Variants in PDE11A observed in about 807,000 individuals in gnomAD.
PDE11A encodes the protein dual 3',5'-cyclic-AMP and -GMP phosphodiesterase 11A.
A neutral mutation model predicts 100.5 loss-of-function variants in PDE11A; 100 were observed. That is an observed-to-expected ratio of 1.00 (90% CI 0.85 to 1.18). PDE11A has a LOEUF of 1.18. PDE11A is among the 50% of genes most tolerant of loss of function. The pLI, the probability that PDE11A is intolerant of heterozygous loss-of-function variation, is 0.00. For missense variants in PDE11A, 1,141 were observed against 1,152.6 expected (o/e 0.99, Z 0.15); for synonymous variants, 381 against 420.8 (o/e 0.91, Z 1.16).
intron 9 of PDE11A, among the ~76,000 whole-genome samples, chr2:177,785,456 G>A (rs1438496590): frequency 1.3e-5 from 2 of 152,224 alleles, no homozygotes. Context: ...CAGCATGAGC[G>A]ACGCAGAAGA....
At chr2:177,676,256 TA>T (rs1177728828) in intron 16 of PDE11A, among the ~76,000 whole-genome samples, 1 of 152,220 alleles carries the variant, frequency 6.6e-6, no homozygotes, top group Non-Finnish European at 1.5e-5. Flanking sequence ...CTGGTGCTTA[TA>T]TATAATTTAA....
At chr2:178,034,652 G>T (rs1204305379) in intron 1 of PDE11A, among the ~76,000 whole-genome samples, 1 of 152,090 alleles carries the variant, frequency 6.6e-6, no homozygotes, top group African/African-American at 2.4e-5. Flanking sequence ...AAATGTAAAA[G>T]AACAGAAATT....
intron 2 of PDE11A, among the ~76,000 whole-genome samples, chr2:177,949,597 G>T (rs1357501859): frequency 1.3e-5 from 2 of 152,124 alleles, no homozygotes; most frequent in African/African-American, 4.8e-5. Context: ...CTCACATCAT[G>T]TGTTGTGAGA....
chr2:177,907,204 T>C (rs1326200565), intron 2 of PDE11A, among the ~76,000 whole-genome samples: 1 of 152,162 alleles, frequency 6.6e-6, no homozygotes, highest in African/African-American at 2.4e-5. Context: ...AGTTTTGCTG[T>C]GTGAAGTGCA....
At chr2:178,032,632 C>A (rs1277275573) in intron 1 of PDE11A, among the ~76,000 whole-genome samples, 2 of 152,314 alleles carry the variant, frequency 1.3e-5, no homozygotes, top group East Asian at 3.9e-4. Context: ...GGTCGTCAGA[C>A]ACCTCATACA....
At chr2:177,899,636 A>T in intron 3 of PDE11A, 1 of 171,032 alleles carries the variant, frequency 5.8e-6, no homozygotes, top group Non-Finnish European at 1.2e-5. Context: ...TCAGATTCTT[A>T]AATATATATA....
At chr2:177,870,280 C>T (rs1341262908) in intron 5 of PDE11A, among the ~76,000 whole-genome samples, 1 of 152,210 alleles carries the variant, frequency 6.6e-6, no homozygotes. Context: ...CACTCCACTT[C>T]TTATTTCTAC....
intron 2 of PDE11A, among the ~76,000 whole-genome samples, chr2:177,928,439 A>T (rs1254953484): frequency 6.6e-6 from 1 of 152,214 alleles, no homozygotes; most frequent in Non-Finnish European, 1.5e-5. Flanking sequence ...TCAAAGCTGC[A>T]GTGAACTATG....
intron 19 of PDE11A, among the ~76,000 whole-genome samples, chr2:177,660,404 C>T (rs926776649): frequency 2.2e-4 from 33 of 152,086 alleles, no homozygotes; most frequent in African/African-American, 5.6e-4. Flanking sequence ...GAGATAGAAC[C>T]AGTCAGCCTC....
intron 10 of PDE11A, among the ~76,000 whole-genome samples, chr2:177,765,325 T>G (rs575735747): frequency 1.3e-5 from 2 of 152,362 alleles, no homozygotes; most frequent in Admixed American, 6.5e-5. Flanking sequence ...CAGGTTTATC[T>G]TATGTGAAAT....
At position 178,071,730 on chromosome 2, in the gene PDE11A, G is replaced by A; in HGVS notation, c.708C>T (p.Asp236=). The A allele has an allele frequency of 6.2e-7, 1 of 1,614,130 alleles. No homozygotes were observed. Among genetic ancestry groups the A allele is most frequent in the Non-Finnish European group, 8.5e-7 (1 of 1,179,970 alleles). The change falls in exon 1 of 20, where the codon GAC becomes GAT. Residue 236 remains aspartate, a synonymous_variant. Coordinates refer to ENST00000286063, the MANE Select transcript of PDE11A (RefSeq NM_016953.4). ...CTTCCACCAGGAAAAGAGAGCAGCG[G>A]TCAGCATCCACCATAAGGCAGACAA... ...LIFVCLMVDA[D]RCSLFLVEGA...
chr2:177,725,737 C>T (rs1365370630), intron 12 of PDE11A, among the ~76,000 whole-genome samples: 1 of 152,068 alleles, frequency 6.6e-6, no homozygotes, highest in Non-Finnish European at 1.5e-5. Context: ...AATGGAAATA[C>T]CCACTGCAGA....
At position 177,957,027 on chromosome 2, in the gene PDE11A, T is replaced by G. The variant is rs186502694; in HGVS notation, c.1072-51840A>C. Among the ~76,000 whole-genome samples, 803 of 151,622 alleles carry G rather than the reference T, an allele frequency of 5.3e-3. 7 individuals are homozygous for G. The highest frequency in any genetic ancestry group is 0.018 in the African/African-American group (749 of 41,274). On this transcript the variant is annotated intron_variant, in intron 2 of 19. Coordinates refer to ENST00000286063, the MANE Select transcript of PDE11A (RefSeq NM_016953.4). ...GTAACAAACCTGCACATTGTGTACG[T>G]GTACCCTAAAACTTAAAGTATAATA...
At chr2:178,105,267 C>A (rs1053558670) in intron 1 of PDE11A, among the ~76,000 whole-genome samples, 2 of 152,038 alleles carry the variant, frequency 1.3e-5, no homozygotes, top group African/African-American at 4.8e-5. Flanking sequence ...CGAGATCAGC[C>A]CGGCCAAGAT....
chr2:177,875,934 G>A lies in PDE11A; in HGVS notation c.1303-11C>T. ...GGTAAATTTCACCACCTGTCGCATA[G>A]AAAGATAATAAATCCAGGTCAATTA... On this transcript the variant is annotated splice_polypyrimidine_tract_variant and intron_variant, in intron 4 of 19. Transcript: ENST00000286063. 6.4e-7 allele frequency: 1 copy of A among 1,564,336 alleles called. No homozygotes were observed. Among genetic ancestry groups the A allele is most frequent in the South Asian group, 1.1e-5 (1 of 90,062 alleles).
At chr2:178,015,335 G>T (rs983956757) in intron 1 of PDE11A, among the ~76,000 whole-genome samples, 1 of 151,980 alleles carries the variant, frequency 6.6e-6, no homozygotes, top group Non-Finnish European at 1.5e-5. Context: ...AATTATTCAA[G>T]AAATGAAAAT....
chr2:177,792,735 G>A (rs1006889041), intron 9 of PDE11A, among the ~76,000 whole-genome samples: 6 of 152,180 alleles, frequency 3.9e-5, no homozygotes, highest in Admixed American at 2.6e-4. Flanking sequence ...TGCTGGCCAT[G>A]GAGATCAGAT....
chr2:177,723,405 T>C (rs2081557409), intron 12 of PDE11A: 1 of 152,160 alleles, frequency 6.6e-6, no homozygotes, highest in African/African-American at 2.4e-5. Context: ...ACTTGGTTAT[T>C]ATTAGTGTTT....
At chr2:177,762,007 C>A (rs969505107) in intron 10 of PDE11A, among the ~76,000 whole-genome samples, 1 of 152,098 alleles carries the variant, frequency 6.6e-6, no homozygotes, top group African/African-American at 2.4e-5. Flanking sequence ...ATAGGGTCAA[C>A]AGCAGGAGGC....
Sources: gnomAD v4.1 joint callset for allele counts (sites outside exome capture counted in the v4.1 genomes callset) on GRCh38, gnomAD v4.1.1 for gene constraint, MANE v1.5 for transcripts, NCBI Gene and HGNC (gene_info 2026-07-23, HGNC 2026-07-21) for gene names.